Variants in PDE4D observed in about 807,000 individuals in gnomAD.
The protein encoded by PDE4D is phosphodiesterase 4D, also known as 3',5'-cyclic-AMP phosphodiesterase 4D.
Under a neutral mutation model 87.4 loss-of-function variants are expected in PDE4D, and 24 were observed. The observed-to-expected ratio is 0.27, with a 90% CI of 0.20 to 0.39. PDE4D has a LOEUF of 0.39. PDE4D is among the 10% of genes least tolerant of loss of function. PDE4D has a pLI of 1.00. For missense variants in PDE4D, 714 were observed against 1,041.0 expected, an observed-to-expected ratio of 0.69 and a Z score of 4.32; for synonymous variants, 384 against 383.2, an observed-to-expected ratio of 1.00 and a Z score of -0.02.
At chr5:59,979,420 G>GT (rs1761677876) in intron 3 of PDE4D, among the ~76,000 whole-genome samples, 1 of 130,426 alleles carries the variant, frequency 7.7e-6, no homozygotes, top group Admixed American at 8.7e-5. Flanking sequence ...ACACAGCAAG[G>GT]GGTGTGTGTG....
intron 2 of PDE4D, among the ~76,000 whole-genome samples, chr5:59,998,906 G>T (rs1040397720): frequency 6.6e-6 from 1 of 152,120 alleles, no homozygotes; most frequent in Non-Finnish European, 1.5e-5. Flanking sequence ...ATAAGTGTTA[G>T]GAAAGTGACT....
chr5:59,266,273 AT>A (rs1762847008), intron 1 of PDE4D, among the ~76,000 whole-genome samples: 1 of 10,818 alleles, frequency 9.2e-5, no homozygotes, highest in Admixed American at 1.0e-3. Flanking sequence ...GTCTCTAAAT[AT>A]ATATATATAT....
rs997552088 is a variant in PDE4D, at chr5:59,587,502, A to G, written c.455+305666T>C. 3.0e-6 allele frequency: 3 copies of G among 985,256 alleles called. No individual in the cohort carries two copies. In the African/African-American group the frequency reaches 5.2e-5, roughly 17 times the overall value. 61.0% of individuals were successfully genotyped at this position (985,256 alleles called of 1,614,324 possible). A position where few individuals can be genotyped will look rare whatever the true frequency, so the allele number is the denominator to read the frequency against. ...CAACAGGCTCCTGCTGGAGTCCCCC[A>G]GCGCCGAATTTCCAGCAGAACCTTT... is the stretch of plus-strand genomic sequence containing the variant. On this transcript the variant is annotated intron_variant, in intron 1 of 14. Transcript: ENST00000340635.
chr5:59,090,721 C>A (rs1283512079), intron 5 of PDE4D, among the ~76,000 whole-genome samples: 2 of 150,116 alleles, frequency 1.3e-5, no homozygotes, highest in Non-Finnish European at 3.0e-5. Context: ...TATTTGCATT[C>A]TATAATATAT....
At chr5:59,073,506 G>A (rs1765184431) in intron 5 of PDE4D, among the ~76,000 whole-genome samples, 1 of 134,362 alleles carries the variant, frequency 7.4e-6, no homozygotes, top group Non-Finnish European at 1.7e-5. Flanking sequence ...AAAGTGGGGG[G>A]CGGGGGGGGC....
intron 3 of PDE4D, among the ~76,000 whole-genome samples, chr5:59,933,842 C>T (rs1483495324): frequency 1.3e-5 from 2 of 151,178 alleles, no homozygotes; most frequent in Non-Finnish European, 2.9e-5. Context: ...TATGGGGCTG[C>T]CATTATGCAA....
At chr5:59,064,654 T>G (rs1291016384) in intron 5 of PDE4D, among the ~76,000 whole-genome samples, 1 of 152,194 alleles carries the variant, frequency 6.6e-6, no homozygotes, top group Non-Finnish European at 1.5e-5. Context: ...CTATTAAACC[T>G]CTCTAAAATG....
At chr5:59,521,979 T>A (rs531691231) in intron 1 of PDE4D, among the ~76,000 whole-genome samples, 3 of 152,340 alleles carry the variant, frequency 2.0e-5, no homozygotes, top group South Asian at 2.1e-4. Context: ...GTTTTTACAC[T>A]AATTTACATT....
At chr5:60,451,891 T>C (rs1037713315) in intron 1 of PDE4D, among the ~76,000 whole-genome samples, 1 of 152,172 alleles carries the variant, frequency 6.6e-6, no homozygotes, top group Non-Finnish European at 1.5e-5. Flanking sequence ...TGTTGAAAAG[T>C]TATGCTACGT....
intron 1 of PDE4D, among the ~76,000 whole-genome samples, chr5:59,399,919 G>A (rs758843900): frequency 0.1 from 11,500 of 110,642 alleles, 2,708 homozygotes; most frequent in South Asian, 0.25. Context: ...AAAAGTGGGC[G>A]AAGGACATGA....
chr5:60,097,474 T>A (rs1397191141), intron 2 of PDE4D, among the ~76,000 whole-genome samples: 1 of 152,048 alleles, frequency 6.6e-6, no homozygotes, highest in East Asian at 1.9e-4. Flanking sequence ...CTGAACTTAT[T>A]CTTAATAAAA....
chr5:59,673,490 A>G lies in PDE4D; in HGVS notation c.455+219678T>C, dbSNP rs1175705534. On this transcript the variant is annotated intron_variant, in intron 1 of 14. Transcript: ENST00000340635. ...TTACTCCCTTTTTGAATGCAAAGTA[A>G]CACGTGCTAATTGTTGTTTTGATGA... Among the ~76,000 whole-genome samples, 3 of 152,208 alleles carry G rather than the reference A, an allele frequency of 2.0e-5. No homozygotes were observed. In the East Asian group the frequency reaches 5.8e-4, roughly 29 times the overall value.
chr5:60,415,848 G>A (rs371002554), intron 1 of PDE4D, among the ~76,000 whole-genome samples: 7 of 152,374 alleles, frequency 4.6e-5, no homozygotes, highest in African/African-American at 1.4e-4. Context: ...CGCCCGGTGC[G>A]GGACCCACTG....
chr5:59,008,989 A>G (rs1038466964), intron 6 of PDE4D, among the ~76,000 whole-genome samples: 51 of 152,264 alleles, frequency 3.3e-4, no homozygotes, highest in African/African-American at 1.1e-3. Context: ...ATCATTAGAC[A>G]TTAGGGAAAC....
intron 5 of PDE4D, among the ~76,000 whole-genome samples, chr5:59,141,164 C>T (rs1242348244): frequency 6.6e-6 from 1 of 152,112 alleles, no homozygotes. Context: ...AATGTTGCTA[C>T]CTGAAAAGTA....
intron 1 of PDE4D, among the ~76,000 whole-genome samples, chr5:59,730,700 G>T (rs1188238947): frequency 6.6e-6 from 1 of 152,064 alleles, no homozygotes; most frequent in Non-Finnish European, 1.5e-5. Context: ...AACACTCCTT[G>T]ATATCACAGA....
chr5:59,854,938 T>A (rs1291390621), intron 1 of PDE4D, among the ~76,000 whole-genome samples: 1 of 152,102 alleles, frequency 6.6e-6, no homozygotes, highest in East Asian at 1.9e-4. Flanking sequence ...TCGACTAGAC[T>A]TGTGAGGTAG....
At chr5:60,503,146 A>G (rs1750171191) in intron 1 of PDE4D, among the ~76,000 whole-genome samples, 2 of 152,148 alleles carry the variant, frequency 1.3e-5, no homozygotes, top group Non-Finnish European at 2.9e-5. Context: ...ACTAGTATCA[A>G]TATTAACCAT....
At chr5:59,776,636 CAATG>C in intron 1 of PDE4D, among the ~76,000 whole-genome samples, 2 of 152,150 alleles carry the variant, frequency 1.3e-5, no homozygotes, top group African/African-American at 4.8e-5. Context: ...AGTGGGAGAG[CAATG>C]CCTAAGTTAA....
Sources: gnomAD v4.1 joint callset for allele counts (sites outside exome capture counted in the v4.1 genomes callset) on GRCh38, gnomAD v4.1.1 for gene constraint, MANE v1.5 for transcripts, NCBI Gene and HGNC (gene_info 2026-07-23, HGNC 2026-07-21) for gene names.